Variants in PCAT7 observed in about 807,000 individuals in gnomAD.
The protein encoded by PCAT7 is prostate cancer associated transcript 7, also known as prostate cancer associated transcript 7 (non-protein coding).
At position 94,561,352 on chromosome 9, in the gene PCAT7, A is replaced by ACTTTTTTTTTT. The variant is rs1827097696; in HGVS notation, n.441+2200_441+2201insCTTTTTTTTTT. ...GCAGGCCATGTGACATGTGACCTGT[A>ACTTTTTTTTTT]TTTTTTTTTTTTTTTTTTTTTTTTT... On this transcript the variant is annotated intron_variant and non_coding_transcript_variant, in intron 2 of 8. Coordinates refer to ENST00000647389, the Ensembl canonical transcript of PCAT7. Among the ~76,000 whole-genome samples the ACTTTTTTTTTT allele has an allele frequency of 3.6e-5, 2 of 54,970 alleles. 1 individual carries two copies. The highest frequency in any genetic ancestry group is 1.6e-4 in the African/African-American group (2 of 12,786). 36.1% of individuals were successfully genotyped at this position (54,970 alleles called of 152,430 possible). A position where few individuals can be genotyped will look rare whatever the true frequency, so the allele number is the denominator to read the frequency against.
chr9:94,556,705 AC>A (rs1408262023), intron 1 of PCAT7, among the ~76,000 whole-genome samples: 2 of 152,198 alleles, frequency 1.3e-5, no homozygotes, highest in Admixed American at 6.5e-5. Context: ...TAACGTAATT[AC>A]ATCTTTGCTT....
At chr9:94,565,852 G>T (rs185846569) in intron 2 of PCAT7, among the ~76,000 whole-genome samples, 3 of 152,296 alleles carry the variant, frequency 2.0e-5, no homozygotes, top group Non-Finnish European at 4.4e-5. Flanking sequence ...ATAGATGCTC[G>T]TAACTTGGGG....
At chr9:94,571,242 C>G (rs62578749) in intron 2 of PCAT7, among the ~76,000 whole-genome samples, 3,970 of 152,314 alleles carry the variant, frequency 0.026, 65 homozygotes, top group Middle Eastern at 0.041. Flanking sequence ...GTTGATGCAA[C>G]TGGCTCTGCA....
At chr9:94,557,905 A>G (rs1827033433) in intron 1 of PCAT7, among the ~76,000 whole-genome samples, 2 of 152,372 alleles carry the variant, frequency 1.3e-5, no homozygotes, top group South Asian at 4.1e-4. Context: ...CAGTCTTAAC[A>G]TAATTTGGAC....
At chr9:94,567,354 T>C in intron 2 of PCAT7, 1 of 1,614,176 alleles carries the variant, frequency 6.2e-7, no homozygotes, top group Non-Finnish European at 8.5e-7. Context: ...TGTAAATCTT[T>C]CCTTTCTTCT....
chr9:94,567,807 T>A (rs1441977725), intron 2 of PCAT7: 1 of 177,672 alleles, frequency 5.6e-6, no homozygotes, highest in African/African-American at 2.4e-5. Context: ...AGTTACATTG[T>A]CGTATGAGGG....
At chr9:94,560,641 A>G (rs1307993316) in intron 2 of PCAT7, among the ~76,000 whole-genome samples, 1 of 151,312 alleles carries the variant, frequency 6.6e-6, no homozygotes, top group Non-Finnish European at 1.5e-5. Context: ...TGATATGTTT[A>G]AACTACTTTG....
At chr9:94,564,809 A>C (rs188770798) in intron 2 of PCAT7, among the ~76,000 whole-genome samples, 29 of 152,286 alleles carry the variant, frequency 1.9e-4, no homozygotes, top group Non-Finnish European at 1.0e-4. Flanking sequence ...CCTGAATCTA[A>C]AATAAAAGTG....
At chr9:94,574,339 C>T (rs1827296939) in intron 3 of PCAT7, among the ~76,000 whole-genome samples, 1 of 152,118 alleles carries the variant, frequency 6.6e-6, no homozygotes, top group Admixed American at 6.5e-5. Context: ...ATAGCATTGT[C>T]TTTTCAACTT....
At chr9:94,568,119 C>T (rs1827219339) in intron 2 of PCAT7, 2 of 79,966 alleles carry the variant, frequency 2.5e-5, no homozygotes, top group Admixed American at 2.7e-4. Flanking sequence ...CAGAGCAAGA[C>T]TCCATCTCAA....
At chr9:94,567,925 G>T in intron 2 of PCAT7, 1 of 152,792 alleles carries the variant, frequency 6.5e-6, no homozygotes, top group Non-Finnish European at 1.5e-5. Flanking sequence ...TCAGGAGATC[G>T]AGACCATCCT....
At chr9:94,560,985 C>T (rs906198142) in intron 2 of PCAT7, among the ~76,000 whole-genome samples, 6 of 151,922 alleles carry the variant, frequency 3.9e-5, no homozygotes, top group Non-Finnish European at 7.4e-5. Context: ...GTGGTGCATG[C>T]GGGCTGTCTG....
intron 2 of PCAT7, chr9:94,559,248 G>A: frequency 2.4e-6 from 2 of 825,660 alleles, no homozygotes; most frequent in Non-Finnish European, 3.8e-6. Context: ...GCTAGCATGA[G>A]CGCACCATGC....
At chr9:94,571,499 G>A (rs554337531) in intron 2 of PCAT7, 3 of 1,613,934 alleles carry the variant, frequency 1.9e-6, no homozygotes, top group Non-Finnish European at 2.5e-6. Context: ...TTGCCCTGTG[G>A]AGAGAGCCAC....
chr9:94,574,654 A>G (rs975828354), intron 3 of PCAT7, among the ~76,000 whole-genome samples: 1 of 152,112 alleles, frequency 6.6e-6, no homozygotes, highest in African/African-American at 2.4e-5. Flanking sequence ...ATGACATTCC[A>G]TATGTTTTCT....
intron 1 of PCAT7, among the ~76,000 whole-genome samples, chr9:94,556,516 G>C (rs1827014654): frequency 6.6e-6 from 1 of 152,074 alleles, no homozygotes; most frequent in South Asian, 2.1e-4. Flanking sequence ...CAAAGGTTTT[G>C]GGTAGATTTT....
At chr9:94,571,456 A>G in intron 2 of PCAT7, 1 of 1,607,784 alleles carries the variant, frequency 6.2e-7, no homozygotes, top group Non-Finnish European at 8.5e-7. Context: ...CATATTCTGT[A>G]CCTACCGGGT....
At chr9:94,559,527 C>T (rs1827062780) in intron 2 of PCAT7, among the ~76,000 whole-genome samples, 1 of 152,172 alleles carries the variant, frequency 6.6e-6, no homozygotes, top group South Asian at 2.1e-4. Context: ...GGTAAAGAGT[C>T]AAGCTTGGAT....
intron 1 of PCAT7, among the ~76,000 whole-genome samples, chr9:94,557,803 G>T (rs1326765050): frequency 1.3e-5 from 2 of 152,176 alleles, no homozygotes; most frequent in Non-Finnish European, 2.9e-5. Context: ...AATCTTTCAT[G>T]AATGTCTTTC....
Sources: gnomAD v4.1 joint callset for allele counts (sites outside exome capture counted in the v4.1 genomes callset) on GRCh38, gnomAD v4.1.1 for gene constraint, MANE v1.5 for transcripts, NCBI Gene and HGNC (gene_info 2026-07-23, HGNC 2026-07-21) for gene names.